The following MAPK10 variants were observed in gnomAD, a reference collection of about 807,000 sequenced individuals.
The protein encoded by MAPK10 is JNK3 alpha protein kinase.
MAPK10 carries 25 observed loss-of-function variants against 59.3 expected under a neutral mutation model. That is an observed-to-expected ratio of 0.42 (90% CI 0.31 to 0.59). The LOEUF (loss-of-function observed/expected upper bound fraction) is 0.59. Among genes scored for constraint, MAPK10 ranks in the 20% least tolerant of loss-of-function variants. The probability of loss-of-function intolerance (pLI) is 0.15; values close to 1 mark genes in which losing one functional copy is unlikely to be tolerated. For missense variants in MAPK10, 351 were observed against 568.9 expected (o/e 0.62, Z 3.90); for synonymous variants, 190 against 200.5 (o/e 0.95, Z 0.44).
intron 2 of MAPK10, among the ~76,000 whole-genome samples, chr4:86,337,411 ATAT>A (rs1374492587): frequency 6.6e-6 from 1 of 152,232 alleles, no homozygotes; most frequent in East Asian, 1.9e-4. Flanking sequence ...AAATTACTCT[ATAT>A]CCACATTTAT....
intron 10 of MAPK10, chr4:86,064,951 C>T (rs1030077906): frequency 6.6e-6 from 1 of 152,368 alleles, no homozygotes; most frequent in African/African-American, 2.4e-5. Context: ...TGTTGCCAGG[C>T]TGGAGTGTAG....
intron 1 of MAPK10, among the ~76,000 whole-genome samples, chr4:86,507,928 A>G (rs1238478384): frequency 6.6e-6 from 1 of 151,656 alleles, no homozygotes; most frequent in African/African-American, 2.4e-5. Flanking sequence ...CCAAAAAGAA[A>G]AAAAAAATAC....
intron 10 of MAPK10, chr4:86,064,733 A>C (rs2046389399): frequency 4.6e-6 from 1 of 216,098 alleles, no homozygotes; most frequent in South Asian, 9.4e-5. Context: ...TAAAGAGCAC[A>C]GAGTGCAAAT....
chr4:86,164,422 T>A lies in MAPK10; in HGVS notation c.67-4955A>T, dbSNP rs1006004162. On this transcript the variant is annotated intron_variant, in intron 3 of 13. Coordinates refer to ENST00000641462, the MANE Select transcript of MAPK10 (RefSeq NM_138982.4). ...TTCTGGAACACCAAAGGAAAAAAAA[T>A]AATAACAACAACAAAACCACAGTGA... is the stretch of plus-strand genomic sequence containing the variant. 8.5e-5 allele frequency: 13 copies of A among 152,138 alleles called. No homozygotes were observed. In the East Asian group the frequency reaches 2.3e-3, roughly 27 times the overall value. The allele number at this position is 152,138 out of a possible 1,614,324, so 9.4% of individuals were successfully genotyped here.
At chr4:86,566,394 G>GAAAAGA (rs1325497421) in intron 1 of MAPK10, among the ~76,000 whole-genome samples, 3 of 152,260 alleles carry the variant, frequency 2.0e-5, no homozygotes, top group African/African-American at 7.2e-5. Flanking sequence ...GAAGCATCCT[G>GAAAAGA]TTTCCTTCCT....
chr4:86,323,332 AT>A lies in MAPK10; in HGVS notation c.-7+31197del, dbSNP rs1477841753. Among the ~76,000 whole-genome samples, 3 of 152,150 alleles carry A rather than the reference AT, an allele frequency of 2.0e-5. No individual in the cohort carries two copies. In the East Asian group the frequency reaches 5.8e-4, roughly 29 times the overall value. ...AAGTCTCTAAATGTGGTCACATTTT[AT>A]TTCTATTGTTAATTCATGGCAGGTA... On this transcript the variant is annotated intron_variant, in intron 2 of 13. Transcript: ENST00000641462.
chr4:86,580,670 T>A (rs1762201168), intron 1 of MAPK10, among the ~76,000 whole-genome samples: 1 of 152,192 alleles, frequency 6.6e-6, no homozygotes, highest in Non-Finnish European at 1.5e-5. Flanking sequence ...AAAACCTAAA[T>A]AATCACATTG....
At chr4:86,420,365 C>T (rs1273831365) in intron 1 of MAPK10, among the ~76,000 whole-genome samples, 1 of 152,166 alleles carries the variant, frequency 6.6e-6, no homozygotes, top group Non-Finnish European at 1.5e-5. Flanking sequence ...GAACAAGTTC[C>T]TGTTGTTAGA....
At chr4:86,545,690 A>T (rs1759095475) in intron 1 of MAPK10, among the ~76,000 whole-genome samples, 3 of 152,208 alleles carry the variant, frequency 2.0e-5, no homozygotes, top group Non-Finnish European at 4.4e-5. Flanking sequence ...ATGGACAGGA[A>T]GGAGAAGAGA....
chr4:86,500,636 A>C (rs1459390969), intron 1 of MAPK10, among the ~76,000 whole-genome samples: 2 of 152,074 alleles, frequency 1.3e-5, no homozygotes, highest in Non-Finnish European at 2.9e-5. Flanking sequence ...GCCTTACCTA[A>C]GCCCTCTATA....
rs79187885 is a variant in MAPK10, at chr4:86,289,814, C to T, written c.-7+64716G>A. Among the ~76,000 whole-genome samples, 662 of 151,984 alleles carry T rather than the reference C, an allele frequency of 4.4e-3. 4 individuals carry two copies. Among genetic ancestry groups the T allele is most frequent in the African/African-American group, 0.015 (635 of 41,460 alleles). ...TTGAGGTAAATATTTTGAAGTTAGA[C>T]CCAACAGGACTTGCCAATGGGTGTT... On this transcript the variant is annotated intron_variant, in intron 2 of 13. Transcript: ENST00000641462.
intron 1 of MAPK10, among the ~76,000 whole-genome samples, chr4:86,366,849 G>A (rs1382620472): frequency 6.6e-6 from 1 of 152,176 alleles, no homozygotes. Context: ...TGTCAAAAGA[G>A]GTCCTGGAGT....
chr4:86,273,861 T>C (rs1427916003), intron 2 of MAPK10, among the ~76,000 whole-genome samples: 1 of 152,006 alleles, frequency 6.6e-6, no homozygotes, highest in Admixed American at 6.6e-5. Context: ...GCATGATGAA[T>C]CTCTAAGTTT....
chr4:86,059,787 C>G (rs1579353394), intron 11 of MAPK10, among the ~76,000 whole-genome samples: 1 of 152,126 alleles, frequency 6.6e-6, no homozygotes, highest in African/African-American at 2.4e-5. Flanking sequence ...TGCCCGCTCT[C>G]TCTCTGTGGT....
At chr4:86,115,893 C>T in intron 4 of MAPK10, among the ~76,000 whole-genome samples, 1 of 152,212 alleles carries the variant, frequency 6.6e-6, no homozygotes, top group African/African-American at 2.4e-5. Flanking sequence ...TATGTCAGCA[C>T]TGGTGCTTCT....
chr4:86,163,229 G>A (rs2070439118), intron 3 of MAPK10, among the ~76,000 whole-genome samples: 1 of 152,098 alleles, frequency 6.6e-6, no homozygotes, highest in African/African-American at 2.4e-5. Flanking sequence ...CAAATATGAT[G>A]TGTTAAAGAG....
rs904710540 is a variant in MAPK10 at position 86,359,768 on chromosome 4, G to A, written c.-232C>T. 2.0e-6 allele frequency: 2 copies of A among 985,570 alleles called. No individual in the cohort carries two copies. Among genetic ancestry groups the A allele is most frequent in the Non-Finnish European group, 2.4e-6 (2 of 829,830 alleles). 61.1% of individuals were successfully genotyped at this position (985,570 alleles called of 1,614,324 possible). ...AGACTAACATGGAAGAGATTCTTTG[G>A]AGATATGGAGATTGTTTAAAATTAA... On this transcript the variant is annotated 5_prime_UTR_variant, in exon 1 of 14. Coordinates refer to ENST00000641462, the MANE Select transcript of MAPK10 (RefSeq NM_138982.4).
chr4:86,375,915 T>C (rs957041122), intron 1 of MAPK10, among the ~76,000 whole-genome samples: 2 of 152,118 alleles, frequency 1.3e-5, no homozygotes, highest in African/African-American at 4.8e-5. Context: ...TAAGTATAAA[T>C]TAATTCTCTC....
chr4:86,295,229 G>A (rs372902025), intron 2 of MAPK10, among the ~76,000 whole-genome samples: 11 of 151,998 alleles, frequency 7.2e-5, no homozygotes, highest in African/African-American at 2.2e-4. Context: ...ACCCCCTCGG[G>A]CCCCACGCCC....
Sources: allele counts gnomAD v4.1 joint callset (sites outside exome capture counted in the v4.1 genomes callset), GRCh38; gene constraint gnomAD v4.1.1; transcripts MANE v1.5; gene names NCBI Gene and HGNC (gene_info 2026-07-23, HGNC 2026-07-21).